The following PLEKHA3 variants were observed in gnomAD, a reference collection of about 807,000 sequenced individuals.
PLEKHA3 encodes pleckstrin homology domain-containing family A member 3.
PLEKHA3 carries 19 observed loss-of-function variants against 39.2 expected under a neutral mutation model. The ratio of observed to expected loss-of-function variants is 0.48; its 90% CI spans 0.34 to 0.71. PLEKHA3 has a LOEUF of 0.71. PLEKHA3 is among the 30% of genes least tolerant of loss of function. The pLI, the probability that PLEKHA3 is intolerant of heterozygous loss-of-function variation, is 0.01. For missense variants in PLEKHA3, 253 were observed against 359.5 expected (o/e 0.70, Z 2.40); for synonymous variants, 97 against 118.6 (o/e 0.82, Z 1.18).
chr2:178,491,626 T>G (rs1685348744), intron 3 of PLEKHA3, among the ~76,000 whole-genome samples: 1 of 152,278 alleles, frequency 6.6e-6, no homozygotes, highest in Non-Finnish European at 1.5e-5. Context: ...ATGATTTATG[T>G]TATTAGTTCA....
chr2:178,481,332 G>C (rs988835425), intron 1 of PLEKHA3, among the ~76,000 whole-genome samples: 3 of 151,946 alleles, frequency 2.0e-5, no homozygotes, highest in African/African-American at 7.3e-5. Flanking sequence ...ATTCTTTTTT[G>C]TATTTCTTTT....
chr2:178,514,588 T>C lies in PLEKHA3; in HGVS notation c.*10701T>C, dbSNP rs1163728436. 2 of 152,112 alleles carry C rather than the reference T, an allele frequency of 1.3e-5. No homozygotes were observed. The highest frequency in any genetic ancestry group is 2.1e-4 in the South Asian group (1 of 4,830). The allele number at this position is 152,112 out of a possible 1,614,324, so 9.4% of individuals were successfully genotyped here. ...TAAGTGCATATGTATGTATAAGTAA[T>C]GTGTATATCCTTCACTTATTAATAG... On this transcript the variant is annotated 3_prime_UTR_variant, in exon 8 of 8. Coordinates refer to ENST00000234453, the MANE Select transcript of PLEKHA3 (RefSeq NM_019091.4).
Position 178,493,963 on chromosome 2 carries a change from G to A in PLEKHA3, c.424G>A (p.Glu142Lys), listed in dbSNP as rs775012076. The A allele has an allele frequency of 3.7e-6, 6 of 1,614,026 alleles. No individual in the cohort carries two copies. Among genetic ancestry groups the A allele is most frequent in the South Asian group, 1.1e-5 (1 of 91,026 alleles). The change falls in exon 4 of 8, where the codon GAG (glutamate) becomes AAG (lysine). Residue 142 changes from glutamate (E) to lysine (K), a missense_variant. Physicochemically the swap from Glu to Lys is moderately conservative, Grantham distance 56 (BLOSUM62 1). Coordinates refer to ENST00000234453, the MANE Select transcript of PLEKHA3 (RefSeq NM_019091.4). Reference sequence around the variant, plus strand: ...AATACAGGAATTTGTTCACCATGATGAGAATCATTCATCTCCTAGTGCAGA... The same window carrying A: ...AATACAGGAATTTGTTCACCATGATAAGAATCATTCATCTCCTAGTGCAGA... ...HTIQEFVHHD[E>K]NHSSPSAENM...
intron 1 of PLEKHA3, among the ~76,000 whole-genome samples, chr2:178,485,335 C>A (rs1685232313): frequency 6.6e-6 from 1 of 152,126 alleles, no homozygotes. Flanking sequence ...TTATGCTATA[C>A]CCGGTTTAGG....
rs150133695 is a variant in PLEKHA3 at position 178,483,254 on chromosome 2, A to G, written c.40+2345A>G. Among the ~76,000 whole-genome samples the G allele has an allele frequency of 2.4e-3, 360 of 151,820 alleles. 4 individuals are homozygous for G. The highest frequency in any genetic ancestry group is 8.0e-3 in the African/African-American group (332 of 41,444). On this transcript the variant is annotated intron_variant, in intron 1 of 7. Transcript: ENST00000234453. ...AACCTTGGCGACAGAGCGAGACTCT[A>G]TCTCAAAAAAAAAAAGTGTTATTTG... is the stretch of plus-strand genomic sequence containing the variant.
chr2:178,492,669 T>C (rs1182935425), intron 3 of PLEKHA3, among the ~76,000 whole-genome samples: 1 of 150,762 alleles, frequency 6.6e-6, no homozygotes, highest in East Asian at 1.9e-4. Context: ...ACATATAGTC[T>C]ATGATTCCAC....
chr2:178,486,269 C>T (rs1339968023), intron 2 of PLEKHA3, among the ~76,000 whole-genome samples: 1 of 152,092 alleles, frequency 6.6e-6, no homozygotes, highest in Non-Finnish European at 1.5e-5. Flanking sequence ...GCAATAGGTC[C>T]TGCTGTAATT....
chr2:178,493,504 GA>G lies in PLEKHA3; in HGVS notation c.314-343del, dbSNP rs561526663. 1.4e-3 allele frequency among the ~76,000 whole-genome samples: 218 copies of G among 152,130 alleles called. 5 individuals carry two copies. The South Asian group carries it at 0.022, about 15-fold the overall frequency. ...AAGAGAAAAACCAACATCAGAACTG[GA>G]AAAAATGTATAAAGGACAAAATAAA... On this transcript the variant is annotated intron_variant, in intron 3 of 7. Coordinates refer to ENST00000234453, the MANE Select transcript of PLEKHA3 (RefSeq NM_019091.4).
chr2:178,490,964 G>A (rs544462416), intron 3 of PLEKHA3, 150 bp downstream of exon 3: 1 of 461,830 alleles, frequency 2.2e-6, no homozygotes, highest in East Asian at 5.0e-5. Context: ...TAAACATTTT[G>A]TAAAAGCTAT....
At position 178,505,754 on chromosome 2, in the gene PLEKHA3, T is replaced by A. The variant is rs1273181312; in HGVS notation, c.*1867T>A. ...TTTTCTATTGCTTTACCCAAATAGATGGGTTCGTGAAGAGTTTTCTGTGAA... is the reference window on the plus strand; with the variant it reads ...TTTTCTATTGCTTTACCCAAATAGAAGGGTTCGTGAAGAGTTTTCTGTGAA... On this transcript the variant is annotated 3_prime_UTR_variant, in exon 8 of 8. Coordinates refer to ENST00000234453, the MANE Select transcript of PLEKHA3 (RefSeq NM_019091.4). 1.3e-5 allele frequency: 2 copies of A among 151,960 alleles called. No homozygotes were observed. The highest frequency in any genetic ancestry group is 4.8e-5 in the African/African-American group (2 of 41,398). The allele number at this position is 151,960 out of a possible 1,614,324, so 9.4% of individuals were successfully genotyped here.
Position 178,516,388 on chromosome 2 carries a change from T to A in PLEKHA3, c.*12501T>A, listed in dbSNP as rs1228185817. 2.0e-5 allele frequency: 3 copies of A among 152,194 alleles called. No individual in the cohort carries two copies. Among genetic ancestry groups the A allele is most frequent in the African/African-American group, 7.2e-5 (3 of 41,448 alleles). 9.4% of individuals were successfully genotyped at this position (152,194 alleles called of 1,614,324 possible). A position where few individuals can be genotyped will look rare whatever the true frequency, so the allele number is the denominator to read the frequency against. Reference sequence around the variant, plus strand: ...AATTCCAAAAGGTGTATACTCTATATTTTTGTCATAAAAATTCTGCTTGTC... The same window carrying A: ...AATTCCAAAAGGTGTATACTCTATAATTTTGTCATAAAAATTCTGCTTGTC... On this transcript the variant is annotated 3_prime_UTR_variant, in exon 8 of 8. Coordinates refer to ENST00000234453, the MANE Select transcript of PLEKHA3 (RefSeq NM_019091.4).
intron 1 of PLEKHA3, among the ~76,000 whole-genome samples, chr2:178,483,238 G>A (rs1432952373): frequency 2.0e-5 from 3 of 151,048 alleles, no homozygotes; most frequent in Non-Finnish European, 4.4e-5. Flanking sequence ...AAACCTTGGC[G>A]ACAGAGCGAG....
At chr2:178,498,462 C>G (rs1685481545) in intron 5 of PLEKHA3, among the ~76,000 whole-genome samples, 1 of 152,182 alleles carries the variant, frequency 6.6e-6, no homozygotes, top group South Asian at 2.1e-4. Context: ...AGCAACCACC[C>G]TAAACCTTTA....
At chr2:178,503,671 C>T in intron 7 of PLEKHA3, 89 bp from the exon 8 acceptor site, 1 of 1,367,078 alleles carries the variant, frequency 7.3e-7, no homozygotes, top group Non-Finnish European at 1.0e-6. Flanking sequence ...AATTTCATGT[C>T]CCTGAACAGG....
At chr2:178,483,853 A>G (rs1685210017) in intron 1 of PLEKHA3, among the ~76,000 whole-genome samples, 1 of 152,220 alleles carries the variant, frequency 6.6e-6, no homozygotes, top group African/African-American at 2.4e-5. Flanking sequence ...CCAAGATGGC[A>G]GGATTACTTG....
chr2:178,506,650 A>G lies in PLEKHA3; in HGVS notation c.*2763A>G, dbSNP rs902227938. The G allele has an allele frequency of 6.6e-6, 1 of 152,184 alleles. No homozygotes were observed. The highest frequency in any genetic ancestry group is 2.4e-5 in the African/African-American group (1 of 41,438). The allele number at this position is 152,184 out of a possible 1,614,324, so 9.4% of individuals were successfully genotyped here. On this transcript the variant is annotated 3_prime_UTR_variant, in exon 8 of 8. Transcript: ENST00000234453. ...ATATGTTAATACCAGATTGCTGTTT[A>G]CACTAATTCCATATACATGATAATA...
intron 3 of PLEKHA3, among the ~76,000 whole-genome samples, chr2:178,493,116 T>G (rs1685379909): frequency 2.6e-5 from 4 of 152,194 alleles, no homozygotes; most frequent in Admixed American, 6.5e-5. Flanking sequence ...AAATTTACTC[T>G]ATGAATTTTC....
chr2:178,502,812 G>A (rs62176140), intron 7 of PLEKHA3, among the ~76,000 whole-genome samples: 19 of 150,074 alleles, frequency 1.3e-4, no homozygotes, highest in South Asian at 1.0e-3. Context: ...ACACACGCAC[G>A]CACACACACA....
chr2:178,483,479 A>G (rs1685204461), intron 1 of PLEKHA3, among the ~76,000 whole-genome samples: 1 of 152,228 alleles, frequency 6.6e-6, no homozygotes, highest in Non-Finnish European at 1.5e-5. Flanking sequence ...GATAATTAAC[A>G]GGCTTGATTA....
Sources: gnomAD v4.1 joint callset for allele counts (sites outside exome capture counted in the v4.1 genomes callset) on GRCh38, gnomAD v4.1.1 for gene constraint, MANE v1.5 for transcripts, NCBI Gene and HGNC (gene_info 2026-07-23, HGNC 2026-07-21) for gene names.